The following TEX9 variants were observed in gnomAD, a reference collection of about 807,000 sequenced individuals.
TEX9 encodes testis-expressed protein 9.
A neutral mutation model predicts 59.6 loss-of-function variants in TEX9; 74 were observed. That is an observed-to-expected ratio of 1.24 (90% CI 1.03 to 1.51). The LOEUF (loss-of-function observed/expected upper bound fraction) is 1.51. Among genes scored for constraint, TEX9 ranks in the 40% most tolerant of loss-of-function variants. TEX9 has a pLI of 0.00. For missense variants in TEX9, 522 were observed against 447.8 expected, an observed-to-expected ratio of 1.17 and a Z score of -1.49; for synonymous variants, 186 against 152.2, an observed-to-expected ratio of 1.22 and a Z score of -1.64.
chr15:56,326,904 G>A (rs1228830133), intron 1 of TEX9, among the ~76,000 whole-genome samples: 1 of 152,162 alleles, frequency 6.6e-6, no homozygotes, highest in Non-Finnish European at 1.5e-5. Context: ...AAGTCAATAA[G>A]TTAATGATAA....
At chr15:56,328,824 T>G (rs763156821) in intron 1 of TEX9, among the ~76,000 whole-genome samples, 1 of 152,138 alleles carries the variant, frequency 6.6e-6, no homozygotes, top group Non-Finnish European at 1.5e-5. Context: ...CTGACTCCTG[T>G]ATGGCATCAC....
At chr15:56,339,562 G>A (rs2046334685) in intron 1 of TEX9, among the ~76,000 whole-genome samples, 1 of 151,964 alleles carries the variant, frequency 6.6e-6, no homozygotes, top group African/African-American at 2.4e-5. Context: ...TTTATCAGGG[G>A]CTGTGTTAGT....
At chr15:56,263,085 A>T (rs1200985358) in intron 1 of TEX9, among the ~76,000 whole-genome samples, 1 of 152,054 alleles carries the variant, frequency 6.6e-6, no homozygotes, top group East Asian at 1.9e-4. Flanking sequence ...GTGCAGTGGT[A>T]CGATCATGGC....
chr15:56,379,862 T>TC (rs1197477726), intron 3 of TEX9, among the ~76,000 whole-genome samples: 1 of 151,914 alleles, frequency 6.6e-6, no homozygotes, highest in Non-Finnish European at 1.5e-5. Flanking sequence ...CTCCTGCTTT[T>TC]TTTTTTTGGT....
At chr15:56,268,872 A>G (rs1442681303) in intron 1 of TEX9, among the ~76,000 whole-genome samples, 8 of 151,752 alleles carry the variant, frequency 5.3e-5, no homozygotes, top group Non-Finnish European at 8.8e-5. Context: ...CCCTTTTTCT[A>G]TTGATTGGAA....
intron 7 of TEX9, 165 bp from the exon 8 acceptor site, chr15:56,394,000 C>T (rs1412340653): frequency 4.1e-6 from 2 of 493,198 alleles, no homozygotes; most frequent in Non-Finnish European, 3.6e-6. Flanking sequence ...CGTCATTGAC[C>T]TTTTCATTAG....
At chr15:56,357,432 C>G (rs1318712468) in intron 1 of TEX9, among the ~76,000 whole-genome samples, 3 of 151,908 alleles carry the variant, frequency 2.0e-5, no homozygotes, top group African/African-American at 7.3e-5. Flanking sequence ...AAAATTTATC[C>G]TCTTTGTGAT....
intron 1 of TEX9, among the ~76,000 whole-genome samples, chr15:56,351,388 C>G (rs1239952890): frequency 6.6e-6 from 1 of 152,180 alleles, no homozygotes; most frequent in East Asian, 1.9e-4. Context: ...TGCCATCCTC[C>G]TTTAAAGAAG....
intron 1 of TEX9, among the ~76,000 whole-genome samples, chr15:56,266,559 G>A (rs2044388330): frequency 7.1e-6 from 1 of 139,954 alleles, no homozygotes; most frequent in Admixed American, 7.7e-5. Context: ...TCCCACCTAT[G>A]AGTGAGAACA....
chr15:56,278,360 G>A (rs2044730754), intron 1 of TEX9, among the ~76,000 whole-genome samples: 1 of 152,198 alleles, frequency 6.6e-6, no homozygotes, highest in Admixed American at 6.5e-5. Context: ...GGCAGATAAT[G>A]TGAAAGGCTG....
At chr15:56,278,906 G>A (rs1485825623) in intron 1 of TEX9, among the ~76,000 whole-genome samples, 1 of 151,814 alleles carries the variant, frequency 6.6e-6, no homozygotes, top group African/African-American at 2.4e-5. Flanking sequence ...TAAGAAAATT[G>A]ATTCTAGCAA....
At chr15:56,331,055 AG>A (rs1323247962) in intron 1 of TEX9, among the ~76,000 whole-genome samples, 4 of 152,220 alleles carry the variant, frequency 2.6e-5, no homozygotes, top group Admixed American at 2.6e-4. Flanking sequence ...AGAGAGACAA[AG>A]AAGGTCATTA....
At chr15:56,372,132 A>C (rs1230326162) in intron 2 of TEX9, among the ~76,000 whole-genome samples, 1 of 145,452 alleles carries the variant, frequency 6.9e-6, no homozygotes, top group African/African-American at 2.8e-5. Context: ...TTGGTCCACT[A>C]TATTAATTGG....
chr15:56,379,474 G>C (rs2047620468), intron 3 of TEX9, among the ~76,000 whole-genome samples: 1 of 152,172 alleles, frequency 6.6e-6, no homozygotes, highest in Non-Finnish European at 1.5e-5. Context: ...CATATGGTCT[G>C]TCCTTGAGAA....
At chr15:56,440,194 G>A (rs1170673996) in intron 12 of TEX9, among the ~76,000 whole-genome samples, 1 of 152,016 alleles carries the variant, frequency 6.6e-6, no homozygotes, top group African/African-American at 2.4e-5. Flanking sequence ...TAGTCATCAG[G>A]AAAATGCAAA....
chr15:56,252,681 T>C (rs1400791296), intron 1 of TEX9, among the ~76,000 whole-genome samples: 1 of 151,942 alleles, frequency 6.6e-6, no homozygotes, highest in Non-Finnish European at 1.5e-5. Context: ...TAGTTTCTTA[T>C]CTGAATTCAG....
intron 1 of TEX9, among the ~76,000 whole-genome samples, chr15:56,284,032 T>C (rs2044881445): frequency 6.6e-6 from 1 of 152,264 alleles, no homozygotes. Flanking sequence ...TGTCTAATAT[T>C]ATTAATGAGA....
At chr15:56,306,707 C>A (rs1596077173) in intron 1 of TEX9, among the ~76,000 whole-genome samples, 1 of 152,152 alleles carries the variant, frequency 6.6e-6, no homozygotes, top group East Asian at 1.9e-4. Context: ...TGATTACAGT[C>A]AACAATAATT....
intron 3 of TEX9, among the ~76,000 whole-genome samples, chr15:56,378,019 AT>A (rs1350852355): frequency 2.0e-5 from 3 of 152,140 alleles, no homozygotes; most frequent in African/African-American, 7.2e-5. Flanking sequence ...GATATATCAC[AT>A]TGATTGATTT....
Sources: gnomAD v4.1 joint callset for allele counts (sites outside exome capture counted in the v4.1 genomes callset) on GRCh38, gnomAD v4.1.1 for gene constraint, MANE v1.5 for transcripts, NCBI Gene and HGNC (gene_info 2026-07-23, HGNC 2026-07-21) for gene names.